The following MEGF6 variants were observed in gnomAD, a reference collection of about 807,000 sequenced individuals.
MEGF6 encodes multiple epidermal growth factor-like domains protein 6.
A neutral mutation model predicts 207.1 loss-of-function variants in MEGF6; 184 were observed. The observed-to-expected ratio is 0.89, with a 90% CI of 0.79 to 1.00. The LOEUF (loss-of-function observed/expected upper bound fraction) is 1.00. Ranked by LOEUF, MEGF6 falls within the 50% of genes least tolerant of loss-of-function variation. The pLI, the probability that MEGF6 is intolerant of heterozygous loss-of-function variation, is 0.00. For synonymous variants in MEGF6, 1,038 were observed against 910.0 expected (o/e 1.14, Z -2.53); for missense variants, 2,282 against 2,202.9 (o/e 1.04, Z -0.72).
intron 1 of MEGF6, among the ~76,000 whole-genome samples, chr1:3,608,754 C>A (rs889356865): frequency 6.6e-6 from 1 of 152,178 alleles, no homozygotes; most frequent in Non-Finnish European, 1.5e-5. Flanking sequence ...GCAATCGGCC[C>A]CCGTCTCCCA....
At chr1:3,508,365 C>T (rs573020210) in intron 13 of MEGF6, among the ~76,000 whole-genome samples, 193 bp downstream of exon 13, 3 of 152,314 alleles carry the variant, frequency 2.0e-5, no homozygotes, top group Admixed American at 6.5e-5. Flanking sequence ...TGGAACAGTG[C>T]GTGGCATAGA....
At chr1:3,610,503 A>G (rs1270758002) in intron 1 of MEGF6, among the ~76,000 whole-genome samples, 2 of 19,804 alleles carry the variant, frequency 1.0e-4, no homozygotes, top group Non-Finnish European at 3.4e-4. Flanking sequence ...CTCCTCCTCC[A>G]CTGCCGCACG....
At chr1:3,523,073 C>CTG (rs1553195882) in intron 5 of MEGF6, among the ~76,000 whole-genome samples, 6 of 88,446 alleles carry the variant, frequency 6.8e-5, no homozygotes, top group Admixed American at 3.1e-4. Context: ...TGAGTGTGTG[C>CTG]CGGGGGGGGG....
intron 4 of MEGF6, among the ~76,000 whole-genome samples, chr1:3,525,902 C>T (rs539375963): frequency 1.3e-5 from 2 of 152,320 alleles, no homozygotes; most frequent in East Asian, 1.9e-4. Context: ...AGGCAGCGAT[C>T]GAGGCAAACA....
intron 11 of MEGF6, 99 bp from the exon 12 acceptor site, chr1:3,509,344 AC>A: frequency 9.4e-7 from 1 of 1,064,954 alleles, no homozygotes. Context: ...ACCCCAGGGA[AC>A]CCCACCACCC....
chr1:3,584,223 T>A (rs1040787738), intron 3 of MEGF6, among the ~76,000 whole-genome samples: 4 of 152,212 alleles, frequency 2.6e-5, no homozygotes, highest in African/African-American at 9.7e-5. Context: ...CACATTGGAC[T>A]GAACCACAAG....
At chr1:3,535,944 G>A (rs1041495945) in intron 4 of MEGF6, among the ~76,000 whole-genome samples, 8 of 152,196 alleles carry the variant, frequency 5.3e-5, no homozygotes, top group Non-Finnish European at 8.8e-5. Context: ...CCAGGCCATG[G>A]CAGGCGCCAG....
At chr1:3,531,301 G>A (rs1465425133) in intron 4 of MEGF6, 1 of 1,251,074 alleles carries the variant, frequency 8.0e-7, no homozygotes, top group Non-Finnish European at 1.0e-6. Context: ...TGCGCCCTAA[G>A]CCGGCGGCCG....
At chr1:3,514,452 G>T in intron 7 of MEGF6, 98 bp downstream of exon 7, 1 of 1,421,142 alleles carries the variant, frequency 7.0e-7, no homozygotes. Context: ...CTGGTCTCAT[G>T]GGAGGCCACG....
At position 3,586,645 on chromosome 1, in the gene MEGF6, C is replaced by T. The variant is rs535542315; in HGVS notation, c.377-6716G>A. ...GGGGGGCCAGCTCAGCCAATTCCCACGCTGGGACTCGGGGCTGGCATGCGG... is the reference window on the plus strand; with the variant it reads ...GGGGGGCCAGCTCAGCCAATTCCCATGCTGGGACTCGGGGCTGGCATGCGG... On this transcript the variant is annotated intron_variant, in intron 3 of 36. Coordinates refer to ENST00000356575, the MANE Select transcript of MEGF6 (RefSeq NM_001409.4). Among the ~76,000 whole-genome samples the T allele has an allele frequency of 8.5e-5, 13 of 152,308 alleles. 1 individual carries two copies. The South Asian group carries it at 1.2e-3, about 15-fold the overall frequency.
chr1:3,523,254 G>A (rs1326563060), intron 5 of MEGF6, among the ~76,000 whole-genome samples: 2 of 152,176 alleles, frequency 1.3e-5, no homozygotes, highest in Non-Finnish European at 2.9e-5. Flanking sequence ...ACCAGCAAGA[G>A]GGTCAGTCCC....
chr1:3,549,056 G>A (rs1444176749), intron 4 of MEGF6, among the ~76,000 whole-genome samples: 1 of 152,102 alleles, frequency 6.6e-6, no homozygotes, highest in Non-Finnish European at 1.5e-5. Flanking sequence ...GGGTACCTGC[G>A]GGCGCCGCCT....
At chr1:3,532,584 G>A (rs1037623123) in intron 4 of MEGF6, among the ~76,000 whole-genome samples, 3 of 152,228 alleles carry the variant, frequency 2.0e-5, no homozygotes, top group African/African-American at 7.2e-5. Flanking sequence ...AAGTGTCCCT[G>A]GAGCTCAGCC....
chr1:3,581,110 G>C (rs1643787009), intron 3 of MEGF6, among the ~76,000 whole-genome samples: 1 of 152,186 alleles, frequency 6.6e-6, no homozygotes, highest in African/African-American at 2.4e-5. Context: ...CTGGACCACA[G>C]AGTGAGCCAT....
At chr1:3,509,744 G>A (rs1049012714) in intron 11 of MEGF6, 126 bp downstream of exon 11, 4 of 1,323,146 alleles carry the variant, frequency 3.0e-6, no homozygotes, top group Non-Finnish European at 4.0e-6. Flanking sequence ...TTGGCCCAGA[G>A]AGGCCAGGGG....
chr1:3,554,371 C>T (rs117457660), intron 4 of MEGF6, among the ~76,000 whole-genome samples: 2 of 151,934 alleles, frequency 1.3e-5, no homozygotes, highest in African/African-American at 4.8e-5. Context: ...GGGACCCAGC[C>T]GGGCCAGGCG....
rs1277885939 is a variant in MEGF6, at chr1:3,489,102, C to T, written c.*1426G>A. On this transcript the variant is annotated 3_prime_UTR_variant, in exon 37 of 37. Transcript: ENST00000356575. ...TGCGTTTTCCACACTCCGTCTGCAC[C>T]CCAGTCCGTCTCTCTCTGGCTGCTG... is the stretch of plus-strand genomic sequence containing the variant. 6.6e-6 allele frequency among the ~76,000 whole-genome samples: 1 copy of T among 152,210 alleles called. No individual in the cohort carries two copies. The highest frequency in any genetic ancestry group is 1.5e-5 in the Non-Finnish European group (1 of 68,038).
Position 3,493,846 on chromosome 1 carries a change from C to T in MEGF6, c.4312G>A (p.Gly1438Arg), listed in dbSNP as rs61910697. 0.025 allele frequency: 40,469 copies of T among 1,603,362 alleles called. 713 individuals carry two copies. The highest frequency in any genetic ancestry group is 0.065 in the Admixed American group (3,789 of 58,446). Residue 1438 changes from glycine to arginine, a missense_variant, in exon 34 of 37, where the codon GGG becomes AGG. Gly to Arg is a moderately radical substitution (Grantham distance 125, BLOSUM62 -2). Transcript: ENST00000356575. ...EGCHQRCDCD[G>R]GAPCDPVTGL... ...GTGACAGGGTCACAGGGTGCCCCCC[C>T]GTCACAGTCACAGCGCTGGTGGCAG...
intron 5 of MEGF6, among the ~76,000 whole-genome samples, chr1:3,519,627 T>C (rs2101132274): frequency 6.6e-6 from 1 of 152,324 alleles, no homozygotes; most frequent in Non-Finnish European, 1.5e-5. Context: ...GCCTGGTCTA[T>C]ATCGACAGGG....
Sources: allele counts gnomAD v4.1 joint callset (sites outside exome capture counted in the v4.1 genomes callset), GRCh38; gene constraint gnomAD v4.1.1; transcripts MANE v1.5; gene names NCBI Gene and HGNC (gene_info 2026-07-23, HGNC 2026-07-21).